The following HS6ST3 variants were observed in gnomAD, a reference collection of about 807,000 sequenced individuals.
HS6ST3 encodes the protein heparan-sulfate 6-O-sulfotransferase 3.
In HS6ST3, 12 loss-of-function variants were observed where a neutral mutation model predicts 36.7. That is an observed-to-expected ratio of 0.33 (90% CI 0.21 to 0.53). The LOEUF is 0.53. Among genes scored for constraint, HS6ST3 ranks in the 20% least tolerant of loss-of-function variants. The pLI is 0.95. For missense variants in HS6ST3, 584 were observed against 640.9 expected, an observed-to-expected ratio of 0.91 and a Z score of 0.96; for synonymous variants, 240 against 257.5, an observed-to-expected ratio of 0.93 and a Z score of 0.65.
intron 1 of HS6ST3, among the ~76,000 whole-genome samples, chr13:96,778,209 A>G (rs1243329865): frequency 2.0e-5 from 3 of 152,188 alleles, no homozygotes; most frequent in African/African-American, 7.2e-5. Flanking sequence ...AAGACCTAAA[A>G]CCATAAAAAC....
intron 1 of HS6ST3, among the ~76,000 whole-genome samples, chr13:96,721,133 A>T (rs1400599508): frequency 6.6e-6 from 1 of 152,186 alleles, no homozygotes; most frequent in Non-Finnish European, 1.5e-5. Flanking sequence ...ACTGAGCCTA[A>T]TGATAATTCC....
rs142269576 is a variant in HS6ST3 at position 96,775,652 on chromosome 13, A to T, written c.708-56838A>T. ...CAACAAGAAGGACTATCCTAAATAT[A>T]TATCCACCCAATACAGAAGCACCCA... is the stretch of plus-strand genomic sequence containing the variant. On this transcript the variant is annotated intron_variant, in intron 1 of 1. Coordinates refer to ENST00000376705, the MANE Select transcript of HS6ST3 (RefSeq NM_153456.4). 7.1e-3 allele frequency among the ~76,000 whole-genome samples: 1,082 copies of T among 152,326 alleles called. 12 individuals are homozygous for T. The highest frequency in any genetic ancestry group is 0.025 in the African/African-American group (1,037 of 41,566).
At chr13:96,637,822 G>A (rs751285892) in intron 1 of HS6ST3, among the ~76,000 whole-genome samples, 1 of 151,972 alleles carries the variant, frequency 6.6e-6, no homozygotes, top group Non-Finnish European at 1.5e-5. Flanking sequence ...TAAAGCCCAG[G>A]TTAAAATTTT....
Position 96,669,016 on chromosome 13 carries a change from C to T in HS6ST3, c.708-163474C>T, listed in dbSNP as rs540527286. 2.0e-5 allele frequency among the ~76,000 whole-genome samples: 3 copies of T among 152,080 alleles called. No homozygotes were observed. The South Asian group carries it at 6.2e-4, about 32-fold the overall frequency. On this transcript the variant is annotated intron_variant, in intron 1 of 1. Coordinates refer to ENST00000376705, the MANE Select transcript of HS6ST3 (RefSeq NM_153456.4). Reference sequence around the variant, plus strand: ...GGGTAAATTGGAAAGTACACATTTGCATTGGTAATAGAAAATTAATTTAAA... The same window carrying T: ...GGGTAAATTGGAAAGTACACATTTGTATTGGTAATAGAAAATTAATTTAAA...
chr13:96,536,184 A>G (rs568696135), intron 1 of HS6ST3, among the ~76,000 whole-genome samples: 1 of 152,062 alleles, frequency 6.6e-6, no homozygotes, highest in African/African-American at 2.4e-5. Context: ...TTACATGAAC[A>G]TTTTTCGAAG....
chr13:96,827,518 T>C (rs1878674686), intron 1 of HS6ST3, among the ~76,000 whole-genome samples: 1 of 152,008 alleles, frequency 6.6e-6, no homozygotes, highest in African/African-American at 2.4e-5. Context: ...CTGTCTAAAG[T>C]GATTTCCAGA....
At chr13:96,338,421 C>T (rs1045026461) in intron 1 of HS6ST3, among the ~76,000 whole-genome samples, 1 of 152,176 alleles carries the variant, frequency 6.6e-6, no homozygotes, top group Non-Finnish European at 1.5e-5. Flanking sequence ...GTGTACTGTA[C>T]ATCTCTGAGC....
chr13:96,413,132 T>C (rs189540511), intron 1 of HS6ST3, among the ~76,000 whole-genome samples: 1 of 152,284 alleles, frequency 6.6e-6, no homozygotes, highest in African/African-American at 2.4e-5. Flanking sequence ...AATTGCCTTT[T>C]TGAAGGGATG....
chr13:96,299,050 G>C (rs942532801), intron 1 of HS6ST3, among the ~76,000 whole-genome samples: 1 of 152,148 alleles, frequency 6.6e-6, no homozygotes, highest in African/African-American at 2.4e-5. Flanking sequence ...TTACGCTAGG[G>C]AAATGAAAAG....
At chr13:96,778,690 G>A (rs2138512473) in intron 1 of HS6ST3, among the ~76,000 whole-genome samples, 1 of 152,294 alleles carries the variant, frequency 6.6e-6, no homozygotes, top group Non-Finnish European at 1.5e-5. Flanking sequence ...GAGAGGATGT[G>A]GAGAAACTGG....
In HS6ST3 at chr13:96,422,741, C is replaced by A. The variant is rs553045493; in HGVS notation, c.707+331172C>A. ...CTCCTGTAAATGAGGTATGTGTATA[C>A]TTGTGGAATTAAATGCAAGGTAACC... On this transcript the variant is annotated intron_variant, in intron 1 of 1. Coordinates refer to ENST00000376705, the MANE Select transcript of HS6ST3 (RefSeq NM_153456.4). Among the ~76,000 whole-genome samples the A allele has an allele frequency of 6.6e-5, 10 of 152,274 alleles. No individual in the cohort carries two copies. The South Asian group carries it at 1.5e-3, about 22-fold the overall frequency.
intron 1 of HS6ST3, among the ~76,000 whole-genome samples, chr13:96,244,351 C>T (rs943292288): frequency 3.9e-5 from 6 of 152,040 alleles, no homozygotes; most frequent in African/African-American, 1.4e-4. Flanking sequence ...GTAAACATAT[C>T]GCATCAAAAC....
Position 96,833,243 on chromosome 13 carries a change from C to A in HS6ST3, c.*45C>A. 1.4e-6 allele frequency: 2 copies of A among 1,419,972 alleles called. No individual in the cohort carries two copies. Among genetic ancestry groups the A allele is most frequent in the Non-Finnish European group, 1.9e-6 (2 of 1,075,992 alleles). 88.0% of individuals were successfully genotyped at this position (1,419,972 alleles called of 1,614,324 possible). Reference sequence around the variant, plus strand: ...TCAGGAGGGGGAGGGTGAGCAGGCACATTGACTTTCTGTTGAGGTACCTTG... The same window carrying A: ...TCAGGAGGGGGAGGGTGAGCAGGCAAATTGACTTTCTGTTGAGGTACCTTG... On this transcript the variant is annotated 3_prime_UTR_variant, in exon 2 of 2. Coordinates refer to ENST00000376705, the MANE Select transcript of HS6ST3 (RefSeq NM_153456.4).
intron 1 of HS6ST3, among the ~76,000 whole-genome samples, chr13:96,792,783 C>A (rs1877821974): frequency 6.6e-6 from 1 of 151,968 alleles, no homozygotes; most frequent in Non-Finnish European, 1.5e-5. Context: ...AATGTGGCAG[C>A]CTGGCAGTTT....
At chr13:96,817,157 C>T (rs1878437977) in intron 1 of HS6ST3, among the ~76,000 whole-genome samples, 4 of 151,890 alleles carry the variant, frequency 2.6e-5, no homozygotes, top group Admixed American at 2.6e-4. Context: ...ACTGCTGTGT[C>T]ACCCTCCATG....
intron 1 of HS6ST3, among the ~76,000 whole-genome samples, chr13:96,460,151 A>G (rs112405544): frequency 0.012 from 1,822 of 152,176 alleles, 13 homozygotes; most frequent in Non-Finnish European, 0.019. Flanking sequence ...AAAGAGTGTT[A>G]TTTTTCCCAG....
At chr13:96,218,660 G>A (rs1205285371) in intron 1 of HS6ST3, among the ~76,000 whole-genome samples, 1 of 152,130 alleles carries the variant, frequency 6.6e-6, no homozygotes, top group Non-Finnish European at 1.5e-5. Flanking sequence ...GTCTGGCTAA[G>A]TTGTGAAGGT....
chr13:96,283,662 A>C (rs1443483575), intron 1 of HS6ST3, among the ~76,000 whole-genome samples: 1 of 152,230 alleles, frequency 6.6e-6, no homozygotes, highest in African/African-American at 2.4e-5. Flanking sequence ...ATCTCAAAAT[A>C]GATATGTGTA....
At chr13:96,182,105 A>G (rs2054242734) in intron 1 of HS6ST3, among the ~76,000 whole-genome samples, 1 of 152,258 alleles carries the variant, frequency 6.6e-6, no homozygotes, top group Non-Finnish European at 1.5e-5. Context: ...GAATCAGAAC[A>G]TCAGAGTTCG....
Sources: allele counts gnomAD v4.1 joint callset (sites outside exome capture counted in the v4.1 genomes callset), GRCh38; gene constraint gnomAD v4.1.1; transcripts MANE v1.5; gene names NCBI Gene and HGNC (gene_info 2026-07-23, HGNC 2026-07-21).